ZFYVE1: variants seen among roughly 807,000 people sequenced by gnomAD.
ZFYVE1 encodes the protein zinc finger FYVE domain-containing protein 1.
ZFYVE1 carries 30 observed loss-of-function variants against 74.4 expected under a neutral mutation model. That is an observed-to-expected ratio of 0.40 (90% CI 0.30 to 0.55). The LOEUF (loss-of-function observed/expected upper bound fraction) is 0.55, where lower values mean the gene tolerates loss of function less well. Ranked by LOEUF, ZFYVE1 falls within the 20% of genes least tolerant of loss-of-function variation. ZFYVE1 has a pLI of 0.42. For missense variants in ZFYVE1, 703 were observed against 1,011.6 expected, an observed-to-expected ratio of 0.69 and a Z score of 4.14; for synonymous variants, 335 against 385.1, an observed-to-expected ratio of 0.87 and a Z score of 1.52.
Position 72,992,615 on chromosome 14 carries a change from G to GCCAC in ZFYVE1, c.1203+527_1203+528insGTGG, listed in dbSNP as rs1555532793. ...CTCTGGGGGGAGGTCCCATTCAGGT[G>GCCAC]CCCCCCCCGCCCCTTGCAAGAGAGA... On this transcript the variant is annotated intron_variant, in intron 4 of 11. Coordinates refer to ENST00000556143, the MANE Select transcript of ZFYVE1 (RefSeq NM_021260.4). Among the ~76,000 whole-genome samples, 2 of 109,036 alleles carry GCCAC rather than the reference G, an allele frequency of 1.8e-5. 1 individual carries two copies. Among genetic ancestry groups the GCCAC allele is most frequent in the Non-Finnish European group, 3.7e-5 (2 of 53,984 alleles). The allele number at this position is 109,036 out of a possible 152,430, so 71.5% of individuals were successfully genotyped here. A position where few individuals can be genotyped will look rare whatever the true frequency, so the allele number is the denominator to read the frequency against.
chr14:72,974,222 C>T (rs754778087), intron 10 of ZFYVE1, 29 bp from the exon 11 acceptor site: 1 of 1,600,842 alleles, frequency 6.2e-7, no homozygotes, highest in Non-Finnish European at 8.6e-7. Flanking sequence ...GAAATGCTGT[C>T]ACCTCTAAGT....
chr14:73,010,845 T>C (rs924000808), intron 2 of ZFYVE1, among the ~76,000 whole-genome samples: 7 of 151,074 alleles, frequency 4.6e-5, no homozygotes, highest in Non-Finnish European at 1.0e-4. Context: ...ACTCTTACAT[T>C]TCATTGAAAA....
chr14:73,011,419 G>A (rs112669634), intron 2 of ZFYVE1, among the ~76,000 whole-genome samples: 12,675 of 152,084 alleles, frequency 0.083, 623 homozygotes, highest in South Asian at 0.19. Flanking sequence ...CCAGGGAGGC[G>A]GAGGTTGCAG....
rs58858186 is a variant in ZFYVE1, at chr14:72,978,566, CAAAAAAAAAAA to C, written c.1419+284_1419+294del. ...TGGCTGACAGAGCAAGACTCTGTCT[CAAAAAAAAAAA>C]AAAAAAAAAAAAAAAAAAAGAATGA... is the stretch of plus-strand genomic sequence containing the variant. On this transcript the variant is annotated intron_variant, in intron 6 of 11. Coordinates refer to ENST00000556143, the MANE Select transcript of ZFYVE1 (RefSeq NM_021260.4). Among the ~76,000 whole-genome samples the C allele has an allele frequency of 6.2e-3, 318 of 50,976 alleles. 1 individual carries two copies. Among genetic ancestry groups the C allele is most frequent in the African/African-American group, 0.027 (286 of 10,558 alleles). 33.4% of individuals were successfully genotyped at this position (50,976 alleles called of 152,430 possible).
intron 2 of ZFYVE1, among the ~76,000 whole-genome samples, chr14:73,013,216 G>A (rs1894124716): frequency 6.6e-6 from 1 of 152,156 alleles, no homozygotes; most frequent in African/African-American, 2.4e-5. Flanking sequence ...TGTATGGCTG[G>A]AAAACTTCTC....
chr14:73,021,389 A>ATAAATAACTAAC (rs1251428913), intron 2 of ZFYVE1, among the ~76,000 whole-genome samples: 1 of 147,362 alleles, frequency 6.8e-6, no homozygotes, highest in African/African-American at 2.5e-5. Flanking sequence ...AAATAAATAA[A>ATAAATAACTAAC]TAACTGAAGT....
At chr14:72,997,774 T>C (rs758854668) in intron 3 of ZFYVE1, 37 bp downstream of exon 3, 30 of 1,541,430 alleles carry the variant, frequency 1.9e-5, no homozygotes, top group Non-Finnish European at 8.8e-6. Flanking sequence ...CTTGTACCCA[T>C]AAAGGTTGAG....
chr14:73,021,901 G>GA (rs879413850), intron 2 of ZFYVE1, among the ~76,000 whole-genome samples: 37 of 150,808 alleles, frequency 2.5e-4, no homozygotes, highest in Non-Finnish European at 4.0e-4. Context: ...GCTACAAAAA[G>GA]AAAAAAAAAT....
chr14:72,987,588 C>T (rs1404654780), intron 4 of ZFYVE1, among the ~76,000 whole-genome samples: 1 of 152,122 alleles, frequency 6.6e-6, no homozygotes, highest in Admixed American at 6.6e-5. Flanking sequence ...TTACATAAAA[C>T]CTATACAAAT....
rs771757693 is a variant in ZFYVE1 at position 72,970,875 on chromosome 14, G to C, written c.*7C>G. On this transcript the variant is annotated 3_prime_UTR_variant, in exon 12 of 12. Transcript: ENST00000556143. ...GAATTGTGAAGGACTCGGAGAGGGG[G>C]CTGGGGTTAAAGGTCACCGGGCTTT... 2.5e-6 allele frequency: 4 copies of C among 1,613,512 alleles called. No homozygotes were observed. The East Asian group carries it at 6.7e-5, about 27-fold the overall frequency.
chr14:72,991,063 G>T (rs1398081860), intron 4 of ZFYVE1, among the ~76,000 whole-genome samples: 2 of 151,976 alleles, frequency 1.3e-5, no homozygotes, highest in Non-Finnish European at 2.9e-5. Context: ...GAAGAATACA[G>T]TCTAACTATT....
intron 4 of ZFYVE1, among the ~76,000 whole-genome samples, chr14:72,992,620 C>CCCCT (rs1555532807): frequency 9.0e-6 from 1 of 111,112 alleles, no homozygotes; most frequent in Non-Finnish European, 2.0e-5. Flanking sequence ...CAGGTGCCCC[C>CCCCT]CCCGCCCCTT....
intron 3 of ZFYVE1, among the ~76,000 whole-genome samples, 159 bp downstream of exon 3, chr14:72,997,652 A>G (rs1385989635): frequency 6.6e-6 from 1 of 152,234 alleles, no homozygotes; most frequent in Non-Finnish European, 1.5e-5. Flanking sequence ...GCAGATTGAC[A>G]TGTTTGATCA....
chr14:72,985,008 C>G (rs953216416), intron 4 of ZFYVE1, among the ~76,000 whole-genome samples: 1 of 152,244 alleles, frequency 6.6e-6, no homozygotes, highest in Non-Finnish European at 1.5e-5. Context: ...TCTCCTGGCC[C>G]TGCCCTTGCC....
At chr14:72,974,729 A>G in intron 10 of ZFYVE1, 50 bp downstream of exon 10, 1 of 1,554,102 alleles carries the variant, frequency 6.4e-7, no homozygotes, top group African/African-American at 1.4e-5. Flanking sequence ...CCCAGGGCCA[A>G]TGTGGGAGGT....
At chr14:72,978,099 C>T (rs376462278) in intron 7 of ZFYVE1, 38 bp downstream of exon 7, 109 of 1,613,528 alleles carry the variant, frequency 6.8e-5, no homozygotes, top group Middle Eastern at 1.6e-4. Flanking sequence ...GGGAGACAAA[C>T]GCACCAGAAA....
intron 2 of ZFYVE1, among the ~76,000 whole-genome samples, chr14:73,005,080 T>G (rs1175233394): frequency 2.6e-5 from 4 of 151,940 alleles, no homozygotes; most frequent in African/African-American, 9.7e-5. Flanking sequence ...GCTGGCACAC[T>G]GAAACCACAC....
At chr14:72,974,260 C>A in intron 10 of ZFYVE1, 67 bp from the exon 11 acceptor site, 1 of 1,447,100 alleles carries the variant, frequency 6.9e-7, no homozygotes, top group Non-Finnish European at 9.7e-7. Context: ...ACTCAGGGAC[C>A]AATAGCAGAA....
chr14:73,024,305 G>C lies in ZFYVE1; in HGVS notation c.204C>G (p.Val68=). 6.2e-7 allele frequency: 1 copy of C among 1,614,084 alleles called. No individual in the cohort carries two copies. Among genetic ancestry groups the C allele is most frequent in the Non-Finnish European group, 8.5e-7 (1 of 1,180,024 alleles). The change falls in exon 2 of 12, where the codon GTC becomes GTG. Residue 68 remains valine, a synonymous_variant. Transcript: ENST00000556143. ...GACCCTTGCAGAGGTCACAGTAAGG[G>C]ACATGGCCAGGTTTGAGTCTTATCC... ...HERIRLKPGH[V]PYCDLCKGLS... is the part of the protein sequence containing the mutation.
Sources: gnomAD v4.1 joint callset for allele counts (sites outside exome capture counted in the v4.1 genomes callset) on GRCh38, gnomAD v4.1.1 for gene constraint, MANE v1.5 for transcripts, NCBI Gene and HGNC (gene_info 2026-07-23, HGNC 2026-07-21) for gene names.